HLCS: variants seen among roughly 807,000 people sequenced by gnomAD.
HLCS encodes biotin--protein ligase.
A neutral mutation model predicts 75.0 loss-of-function variants in HLCS; 53 were observed. The observed-to-expected ratio is 0.71, with a 90% CI of 0.57 to 0.89. The LOEUF is 0.89. Ranked by LOEUF, HLCS falls within the 40% of genes least tolerant of loss-of-function variation. The pLI is 0.00. For missense variants in HLCS, 966 were observed against 1,074.0 expected (o/e 0.90, Z 1.41); for synonymous variants, 431 against 428.6 (o/e 1.01, Z -0.07).
Position 36,960,745 on chromosome 21 carries a change from GA to G in HLCS, c.330+1290del, listed in dbSNP as rs2068247279. On this transcript the variant is annotated intron_variant, in intron 2 of 10. Coordinates refer to ENST00000674895, the MANE Select transcript of HLCS (RefSeq NM_001352514.2). Reference sequence around the variant, plus strand: ...CCCACTGGATGATCTACATAGCAGGGAACAATGGCGGGTGAGGACCCACAAG... The same window carrying G: ...CCCACTGGATGATCTACATAGCAGGGACAATGGCGGGTGAGGACCCACAAG... Among the ~76,000 whole-genome samples the G allele has an allele frequency of 2.0e-5, 3 of 152,318 alleles. No homozygotes were observed. The South Asian group carries it at 6.2e-4, about 32-fold the overall frequency.
intron 6 of HLCS, among the ~76,000 whole-genome samples, chr21:36,831,793 G>A (rs759740189): frequency 7.2e-5 from 11 of 152,192 alleles, no homozygotes; most frequent in South Asian, 4.1e-4. Context: ...TCTCCTTTAT[G>A]AGTAGAAGGG....
In HLCS at chr21:36,888,441, AAAAAATATATAT is replaced by A. The variant is rs1442672190; in HGVS notation, c.1892+8407_1892+8418del. On this transcript the variant is annotated intron_variant, in intron 6 of 10. Transcript: ENST00000674895. ...CTGCCCCCTTCCCATTTAAAAAAAA[AAAAAATATATAT>A]ATATATATATATATATATATATATA... is the stretch of plus-strand genomic sequence containing the variant. Among the ~76,000 whole-genome samples, 139 of 31,538 alleles carry A rather than the reference AAAAAATATATAT, an allele frequency of 4.4e-3. 1 individual carries two copies. Among genetic ancestry groups the A allele is most frequent in the African/African-American group, 8.5e-3 (82 of 9,666 alleles). 20.7% of individuals were successfully genotyped at this position (31,538 alleles called of 152,430 possible). A position where few individuals can be genotyped will look rare whatever the true frequency, so the allele number is the denominator to read the frequency against.
intron 6 of HLCS, among the ~76,000 whole-genome samples, chr21:36,811,909 C>T (rs757849215): frequency 6.6e-6 from 1 of 152,156 alleles, no homozygotes; most frequent in Non-Finnish European, 1.5e-5. Flanking sequence ...CAGGGAGAGA[C>T]ACTGTGTCTC....
chr21:36,900,818 A>T (rs2065207486), intron 5 of HLCS, among the ~76,000 whole-genome samples: 2 of 152,184 alleles, frequency 1.3e-5, no homozygotes, highest in South Asian at 4.1e-4. Flanking sequence ...ATGTTAGAGA[A>T]AACAGGGGCT....
At chr21:36,958,144 G>A (rs1446663505) in intron 2 of HLCS, among the ~76,000 whole-genome samples, 2 of 151,574 alleles carry the variant, frequency 1.3e-5, no homozygotes, top group African/African-American at 4.8e-5. Flanking sequence ...TCGGGTGGCT[G>A]AGGCAGGAGG....
intron 9 of HLCS, among the ~76,000 whole-genome samples, chr21:36,758,946 T>C (rs1163971809): frequency 6.6e-6 from 1 of 151,082 alleles, no homozygotes; most frequent in Non-Finnish European, 1.5e-5. Flanking sequence ...ATTGCACCAC[T>C]GCATTCCAGC....
intron 6 of HLCS, among the ~76,000 whole-genome samples, chr21:36,846,176 G>A (rs2062791913): frequency 6.6e-6 from 1 of 152,184 alleles, no homozygotes; most frequent in Non-Finnish European, 1.5e-5. Context: ...TAAAGTTGAT[G>A]TGTGGTGGGC....
intron 5 of HLCS, among the ~76,000 whole-genome samples, chr21:36,902,737 G>C (rs1601686292): frequency 2.0e-5 from 3 of 152,324 alleles, no homozygotes; most frequent in Admixed American, 2.0e-4. Flanking sequence ...ATGCAGTGGG[G>C]AGAATCTTCT....
intron 6 of HLCS, among the ~76,000 whole-genome samples, chr21:36,886,660 C>T (rs565697649): frequency 1.3e-5 from 2 of 152,220 alleles, no homozygotes; most frequent in African/African-American, 4.8e-5. Flanking sequence ...TGTTCCCTCC[C>T]CAACCCTCTG....
At chr21:36,849,421 C>G (rs1172779960) in intron 6 of HLCS, among the ~76,000 whole-genome samples, 2 of 152,358 alleles carry the variant, frequency 1.3e-5, no homozygotes, top group African/African-American at 4.8e-5. Context: ...TAGGATCCAG[C>G]AGAAAAGAAT....
intron 6 of HLCS, among the ~76,000 whole-genome samples, chr21:36,793,522 G>C (rs983968968): frequency 6.6e-6 from 1 of 151,926 alleles, no homozygotes; most frequent in Non-Finnish European, 1.5e-5. Context: ...GGCTGGTCTT[G>C]AACTCCGGAC....
chr21:36,794,944 T>C (rs1412043795), intron 6 of HLCS, among the ~76,000 whole-genome samples: 1 of 151,864 alleles, frequency 6.6e-6, no homozygotes. Context: ...GACTTAGATG[T>C]AGCAAGCATA....
chr21:36,828,041 C>T (rs899159511), intron 6 of HLCS, among the ~76,000 whole-genome samples: 3 of 152,068 alleles, frequency 2.0e-5, no homozygotes, highest in African/African-American at 7.2e-5. Context: ...TCTTGATCTC[C>T]TGACCTCGTG....
At chr21:36,935,407 C>T (rs184526755) in intron 4 of HLCS, among the ~76,000 whole-genome samples, 28 of 152,056 alleles carry the variant, frequency 1.8e-4, no homozygotes, top group Admixed American at 5.2e-4. Context: ...CAAATATATA[C>T]TCTGGAAAAA....
rs1392757223 is a variant in HLCS at position 36,896,759 on chromosome 21, G to A, written c.1892+101C>T. ...ACCTTGCTAATAGGTCTGGTCAAAC[G>A]TATTCCTCTACAACTCTATCCCCTC... is the stretch of plus-strand genomic sequence containing the variant. On this transcript the variant is annotated intron_variant, in intron 6 of 10. Transcript: ENST00000674895. 5.3e-5 allele frequency: 71 copies of A among 1,334,026 alleles called. 1 individual carries two copies. The highest frequency in any genetic ancestry group is 7.5e-5 in the Non-Finnish European group (70 of 929,950). 82.6% of individuals were successfully genotyped at this position (1,334,026 alleles called of 1,614,324 possible). A position where few individuals can be genotyped will look rare whatever the true frequency, so the allele number is the denominator to read the frequency against.
At chr21:36,870,376 G>T (rs772862541) in intron 6 of HLCS, among the ~76,000 whole-genome samples, 2 of 152,118 alleles carry the variant, frequency 1.3e-5, no homozygotes, top group Non-Finnish European at 2.9e-5. Flanking sequence ...TCACTCTCAT[G>T]ATTATTAGCT....
intron 1 of HLCS, among the ~76,000 whole-genome samples, chr21:36,973,227 CTT>C (rs11327894): frequency 0.085 from 7,773 of 91,078 alleles, 244 homozygotes; most frequent in African/African-American, 0.13. Flanking sequence ...AAGACCCTGT[CTT>C]TTTTTTTTTT....
intron 5 of HLCS, among the ~76,000 whole-genome samples, chr21:36,922,871 C>T (rs1601752386): frequency 6.6e-6 from 1 of 152,352 alleles, no homozygotes; most frequent in East Asian, 1.9e-4. Flanking sequence ...ATTCTCAAAT[C>T]ATTAGCATGC....
intron 6 of HLCS, among the ~76,000 whole-genome samples, chr21:36,805,070 T>C (rs2061323370): frequency 6.6e-6 from 1 of 152,174 alleles, no homozygotes; most frequent in Non-Finnish European, 1.5e-5. Context: ...CGGTGAAGGA[T>C]TCCGACTTTC....
Sources: allele counts gnomAD v4.1 joint callset (sites outside exome capture counted in the v4.1 genomes callset), GRCh38; gene constraint gnomAD v4.1.1; transcripts MANE v1.5; gene names NCBI Gene and HGNC (gene_info 2026-07-23, HGNC 2026-07-21).